CXXC4: variants seen among roughly 807,000 people sequenced by gnomAD.
CXXC4 encodes CXXC finger protein 4.
In CXXC4, 5 loss-of-function variants were observed where a neutral mutation model predicts 20.5. The ratio of observed to expected loss-of-function variants is 0.24; its 90% CI spans 0.13 to 0.51. The LOEUF is 0.51. Ranked by LOEUF, CXXC4 falls within the 20% of genes least tolerant of loss-of-function variation. CXXC4 has a pLI of 0.97. For synonymous variants in CXXC4, 250 were observed against 216.4 expected (o/e 1.16, Z -1.36); for missense variants, 419 against 496.4 (o/e 0.84, Z 1.48).
intron 2 of CXXC4, among the ~76,000 whole-genome samples, chr4:104,485,766 T>C (rs1436646961): frequency 6.6e-6 from 1 of 152,128 alleles, no homozygotes; most frequent in Non-Finnish European, 1.5e-5. Flanking sequence ...ATGCCTGTTC[T>C]TTTTGCATGC....
At chr4:104,474,624 T>C (rs1303141534) in intron 2 of CXXC4, among the ~76,000 whole-genome samples, 1 of 152,056 alleles carries the variant, frequency 6.6e-6, no homozygotes, top group African/African-American at 2.4e-5. Flanking sequence ...TATAGATCTA[T>C]GGTTACAGAT....
At chr4:104,488,664 A>G (rs561699023) in intron 2 of CXXC4, among the ~76,000 whole-genome samples, 10 of 152,318 alleles carry the variant, frequency 6.6e-5, no homozygotes, top group African/African-American at 2.4e-4. Context: ...ATTTTTTAAA[A>G]AGAAGAAAAT....
chr4:104,487,852 C>T (rs1388406421), intron 2 of CXXC4, among the ~76,000 whole-genome samples: 1 of 151,978 alleles, frequency 6.6e-6, no homozygotes, highest in Admixed American at 6.6e-5. Context: ...ATAAGATGCT[C>T]TTAAGGTGAG....
At chr4:104,481,870 A>G (rs1220565729) in intron 2 of CXXC4, among the ~76,000 whole-genome samples, 2 of 152,190 alleles carry the variant, frequency 1.3e-5, no homozygotes, top group Admixed American at 6.5e-5. Flanking sequence ...ATAAGTAAAA[A>G]TACGCTATTT....
Position 104,468,528 on chromosome 4 carries a change from T to G in CXXC4, c.*3794A>C, listed in dbSNP as rs1280239319. 1 of 151,804 alleles carries G rather than the reference T, an allele frequency of 6.6e-6. No individual in the cohort carries two copies. The highest frequency in any genetic ancestry group is 1.5e-5 in the Non-Finnish European group (1 of 67,898). The allele number at this position is 151,804 out of a possible 1,614,324, so 9.4% of individuals were successfully genotyped here. On this transcript the variant is annotated 3_prime_UTR_variant, in exon 3 of 3. Coordinates refer to ENST00000394767, the MANE Select transcript of CXXC4 (RefSeq NM_025212.4). ...TTACACAAATATCTATTAGAAAATT[T>G]AATAGATAACTGCACAGTTCAGAAG...
At chr4:104,481,724 A>T (rs1396029273) in intron 2 of CXXC4, among the ~76,000 whole-genome samples, 1 of 152,104 alleles carries the variant, frequency 6.6e-6, no homozygotes, top group Non-Finnish European at 1.5e-5. Flanking sequence ...GTATGTATAC[A>T]TGGAACTTAA....
chr4:104,481,342 C>T (rs1372931041), intron 2 of CXXC4, among the ~76,000 whole-genome samples: 3 of 152,050 alleles, frequency 2.0e-5, no homozygotes, highest in African/African-American at 7.2e-5. Context: ...CCAGCCTGGC[C>T]AACATGGTGA....
At chr4:104,489,584 G>C (rs1020666940) in intron 2 of CXXC4, among the ~76,000 whole-genome samples, 2 of 152,102 alleles carry the variant, frequency 1.3e-5, no homozygotes, top group Non-Finnish European at 2.9e-5. Context: ...ACCACCTACA[G>C]TCTCATGTAT....
intron 2 of CXXC4, among the ~76,000 whole-genome samples, chr4:104,488,180 T>C (rs1249527509): frequency 1.3e-5 from 2 of 152,230 alleles, no homozygotes; most frequent in Non-Finnish European, 2.9e-5. Flanking sequence ...ATATCCACAA[T>C]GAGTCCCCAA....
chr4:104,471,858 A>C lies in CXXC4; in HGVS notation c.*464T>G, dbSNP rs962511613. 6.6e-6 allele frequency: 1 copy of C among 152,324 alleles called. No individual in the cohort carries two copies. Among genetic ancestry groups the C allele is most frequent in the African/African-American group, 2.4e-5 (1 of 41,452 alleles). The allele number at this position is 152,324 out of a possible 1,614,324, so 9.4% of individuals were successfully genotyped here. On this transcript the variant is annotated 3_prime_UTR_variant, in exon 3 of 3. Transcript: ENST00000394767. ...CCATACTGTTGTGTACAAACTGTTA[A>C]TCTCCATAGATGCTCAGACATGATT... is the stretch of plus-strand genomic sequence containing the variant.
rs1315039205 is a variant in CXXC4, at chr4:104,491,874, G to A, written c.-72C>T. 1 of 450,824 alleles carries A rather than the reference G, an allele frequency of 2.2e-6. No homozygotes were observed. The allele number at this position is 450,824 out of a possible 1,614,324, so 27.9% of individuals were successfully genotyped here. ...TGGTCCGACACCTGGGTGGAAAAGG[G>A]GGAAAGGTGGGGGGGAGGGAAGGGA... is the stretch of plus-strand genomic sequence containing the variant. On this transcript the variant is annotated 5_prime_UTR_variant, in exon 2 of 3. Transcript: ENST00000394767.
At chr4:104,489,122 T>A (rs1466648110) in intron 2 of CXXC4, among the ~76,000 whole-genome samples, 4 of 152,218 alleles carry the variant, frequency 2.6e-5, no homozygotes, top group Non-Finnish European at 5.9e-5. Context: ...GGACCTGCAT[T>A]ATAGTTGCTA....
intron 2 of CXXC4, among the ~76,000 whole-genome samples, chr4:104,482,956 T>C (rs185840366): frequency 5.9e-5 from 9 of 152,064 alleles, no homozygotes; most frequent in Admixed American, 5.9e-4. Flanking sequence ...TTTCCCATAG[T>C]CTGACACTTT....
At chr4:104,473,790 A>ATTG (rs34142040) in intron 2 of CXXC4, among the ~76,000 whole-genome samples, 108,550 of 151,420 alleles carry the variant, frequency 0.72, 40,578 homozygotes, top group African/African-American at 0.92. Flanking sequence ...ATCTTAAAAC[A>ATTG]TTAATAGCAC....
intron 2 of CXXC4, among the ~76,000 whole-genome samples, chr4:104,479,342 G>C (rs1736497459): frequency 6.6e-6 from 1 of 152,072 alleles, no homozygotes; most frequent in South Asian, 2.1e-4. Flanking sequence ...CGAAAATAAA[G>C]TAGTTACATT....
Position 104,491,512 on chromosome 4 carries a change from G to T in CXXC4, c.291C>A (p.Ala97=). 1 of 1,304,356 alleles carries T rather than the reference G, an allele frequency of 7.7e-7. No individual in the cohort carries two copies. Among genetic ancestry groups the T allele is most frequent in the Non-Finnish European group, 9.9e-7 (1 of 1,008,666 alleles). The allele number at this position is 1,304,356 out of a possible 1,614,324, so 80.8% of individuals were successfully genotyped here. A position where few individuals can be genotyped will look rare whatever the true frequency, so the allele number is the denominator to read the frequency against. The change falls in exon 2 of 3, where the codon GCC becomes GCA. Residue 97 remains alanine, a synonymous_variant. Transcript: ENST00000394767. ...SPWNCDNAAT[A]AAATAMLWGS... is the part of the protein sequence containing the mutation. Reference sequence around the variant, plus strand: ...CCCAGAGCATGGCGGTGGCGGCGGCGGCGGTGGCCGCGTTGTCGCAGTTCC... The same window carrying T: ...CCCAGAGCATGGCGGTGGCGGCGGCTGCGGTGGCCGCGTTGTCGCAGTTCC...
chr4:104,480,986 G>T (rs955899714), intron 2 of CXXC4, among the ~76,000 whole-genome samples: 8 of 151,410 alleles, frequency 5.3e-5, no homozygotes, highest in African/African-American at 1.9e-4. Flanking sequence ...TAAAACAAAG[G>T]TTTCCAGCAG....
rs114559955 is a variant in CXXC4, at chr4:104,494,173, G to C, written c.-258+528C>G. On this transcript the variant is annotated intron_variant, in intron 1 of 2. Coordinates refer to ENST00000394767, the MANE Select transcript of CXXC4 (RefSeq NM_025212.4). ...GTATCTAAGCCACAGCTATTGTTTG[G>C]ATTTTATTTAAAAACAAAATAAAAC... 4.0e-3 allele frequency among the ~76,000 whole-genome samples: 616 copies of C among 152,210 alleles called. 1 individual carries two copies. Among genetic ancestry groups the C allele is most frequent in the Non-Finnish European group, 7.4e-3 (506 of 67,998 alleles).
chr4:104,473,485 C>A (rs1362035782), intron 2 of CXXC4, among the ~76,000 whole-genome samples: 1 of 151,782 alleles, frequency 6.6e-6, no homozygotes, highest in Non-Finnish European at 1.5e-5. Context: ...ACATTAACAT[C>A]TAATAATTCC....
Sources: gnomAD v4.1 joint callset for allele counts (sites outside exome capture counted in the v4.1 genomes callset) on GRCh38, gnomAD v4.1.1 for gene constraint, MANE v1.5 for transcripts, NCBI Gene and HGNC (gene_info 2026-07-23, HGNC 2026-07-21) for gene names.